KHDRBS2: variants seen among roughly 807,000 people sequenced by gnomAD.
KHDRBS2 encodes KH RNA binding domain containing, signal transduction associated 2.
KHDRBS2 carries 26 observed loss-of-function variants against 44.3 expected under a neutral mutation model. The ratio of observed to expected loss-of-function variants is 0.59; its 90% CI spans 0.43 to 0.81. The LOEUF is 0.81. KHDRBS2 is among the 40% of genes least tolerant of loss of function. KHDRBS2 has a pLI of 0.00. For missense variants in KHDRBS2, 476 were observed against 433.1 expected (o/e 1.10, Z -0.88); for synonymous variants, 194 against 151.1 (o/e 1.28, Z -2.08).
At chr6:61,953,033 C>T (rs9453711) in intron 4 of KHDRBS2, among the ~76,000 whole-genome samples, 51,948 of 151,594 alleles carry the variant, frequency 0.34, 9,063 homozygotes, top group Middle Eastern at 0.41. Flanking sequence ...ATTATACTTA[C>T]TCAAAGTTAA....
intron 1 of KHDRBS2, among the ~76,000 whole-genome samples, chr6:62,182,087 A>T (rs561476713): frequency 2.0e-5 from 3 of 152,084 alleles, no homozygotes; most frequent in African/African-American, 7.2e-5. Context: ...CCAGAAACCA[A>T]ACCTACTGGA....
At chr6:61,924,787 TATTA>T (rs138519958) in intron 4 of KHDRBS2, among the ~76,000 whole-genome samples, 1,854 of 152,112 alleles carry the variant, frequency 0.012, 36 homozygotes, top group African/African-American at 0.04. Flanking sequence ...TTTAATCATT[TATTA>T]ATTATTTCCA....
chr6:62,007,539 C>T (rs751016912), intron 3 of KHDRBS2, among the ~76,000 whole-genome samples: 1 of 151,958 alleles, frequency 6.6e-6, no homozygotes, highest in Non-Finnish European at 1.5e-5. Flanking sequence ...ATCATGCAAA[C>T]TTTAATCTGT....
At chr6:61,874,572 T>C (rs1361677066) in intron 6 of KHDRBS2, among the ~76,000 whole-genome samples, 2 of 152,182 alleles carry the variant, frequency 1.3e-5, no homozygotes, top group Admixed American at 6.6e-5. Context: ...TCCACAGCAA[T>C]GTTGACCCTG....
chr6:61,664,600 T>C, the KHDRBS2 span, among the ~76,000 whole-genome samples: 1 of 151,714 alleles, frequency 6.6e-6, no homozygotes, highest in African/African-American at 2.4e-5. Flanking sequence ...AGATCAACAT[T>C]AGGTTCATAA....
intron 6 of KHDRBS2, among the ~76,000 whole-genome samples, chr6:61,848,553 A>C (rs9445501): frequency 3.3e-5 from 1 of 30,146 alleles, no homozygotes; most frequent in Non-Finnish European, 5.5e-5. Context: ...ATATATATAC[A>C]TATATATATG....
the KHDRBS2 span, among the ~76,000 whole-genome samples, chr6:61,596,943 C>T: frequency 6.6e-6 from 1 of 152,074 alleles, no homozygotes; most frequent in African/African-American, 2.4e-5. Flanking sequence ...AGCCACCGTG[C>T]CCAGCCACAT....
At chr6:61,586,424 A>T in the KHDRBS2 span, among the ~76,000 whole-genome samples, 3 of 152,132 alleles carry the variant, frequency 2.0e-5, no homozygotes, top group South Asian at 6.2e-4. Flanking sequence ...CACTTCTGGG[A>T]CCAGTTTTCA....
chr6:62,078,033 G>A (rs1796674401), intron 2 of KHDRBS2, among the ~76,000 whole-genome samples: 1 of 151,992 alleles, frequency 6.6e-6, no homozygotes, highest in Admixed American at 6.6e-5. Flanking sequence ...CATTACAATG[G>A]CATTTTTTTG....
chr6:61,730,349 C>T (rs1208882352), intron 7 of KHDRBS2, among the ~76,000 whole-genome samples: 1 of 152,064 alleles, frequency 6.6e-6, no homozygotes. Flanking sequence ...GAATGAGGCT[C>T]TTATTTTGTA....
chr6:61,905,214 C>A (rs1379806404), intron 4 of KHDRBS2, among the ~76,000 whole-genome samples: 3 of 151,800 alleles, frequency 2.0e-5, no homozygotes, highest in African/African-American at 7.3e-5. Flanking sequence ...ATATTTTGAG[C>A]CAGAGATTGG....
chr6:61,766,636 C>A (rs6924989), intron 6 of KHDRBS2, among the ~76,000 whole-genome samples: 57,454 of 151,728 alleles, frequency 0.38, 11,962 homozygotes, highest in African/African-American at 0.57. Context: ...TTTGCTGTAT[C>A]TCATAGGTTT....
intron 2 of KHDRBS2, among the ~76,000 whole-genome samples, chr6:62,084,621 C>A (rs1174408278): frequency 6.6e-6 from 1 of 152,080 alleles, no homozygotes; most frequent in Non-Finnish European, 1.5e-5. Flanking sequence ...AAGGTTTTCT[C>A]TGAAATCAAC....
At chr6:61,818,794 A>C (rs1198192755) in intron 6 of KHDRBS2, among the ~76,000 whole-genome samples, 4 of 151,992 alleles carry the variant, frequency 2.6e-5, no homozygotes, top group Non-Finnish European at 5.9e-5. Context: ...CCCCAAAGTG[A>C]ACAAAATAAG....
intron 1 of KHDRBS2, among the ~76,000 whole-genome samples, chr6:62,221,272 GAGAT>G (rs1289529828): frequency 6.6e-6 from 1 of 152,048 alleles, no homozygotes; most frequent in Non-Finnish European, 1.5e-5. Flanking sequence ...TGAATATACA[GAGAT>G]AGAGAATGAA....
At chr6:61,626,260 A>T in the KHDRBS2 span, among the ~76,000 whole-genome samples, 1 of 152,300 alleles carries the variant, frequency 6.6e-6, no homozygotes, top group Admixed American at 6.5e-5. Context: ...AAGATAAAAA[A>T]CCATATTTTT....
chr6:62,105,942 G>A (rs1456009440), intron 2 of KHDRBS2, among the ~76,000 whole-genome samples: 1 of 152,140 alleles, frequency 6.6e-6, no homozygotes, highest in African/African-American at 2.4e-5. Context: ...TCTACACACT[G>A]TTTTGAATGT....
chr6:61,934,423 A>G (rs1215656233), intron 4 of KHDRBS2, among the ~76,000 whole-genome samples: 4 of 152,168 alleles, frequency 2.6e-5, no homozygotes, highest in Non-Finnish European at 5.9e-5. Context: ...TAATTTTTAA[A>G]TCTAACAGAA....
intron 2 of KHDRBS2, among the ~76,000 whole-genome samples, chr6:62,121,774 CAAG>C (rs1273251392): frequency 6.6e-6 from 1 of 152,122 alleles, no homozygotes; most frequent in Non-Finnish European, 1.5e-5. Flanking sequence ...ATCTAGTGAG[CAAG>C]AAGTAGCAAA....
Sources: allele counts gnomAD v4.1 joint callset (sites outside exome capture counted in the v4.1 genomes callset), GRCh38; gene constraint gnomAD v4.1.1; transcripts MANE v1.5; gene names NCBI Gene and HGNC (gene_info 2026-07-23, HGNC 2026-07-21).